CFAP299: variants seen among roughly 807,000 people sequenced by gnomAD.
CFAP299 encodes cilia- and flagella-associated protein 299.
In CFAP299, 21 loss-of-function variants were observed where a neutral mutation model predicts 27.0. That is an observed-to-expected ratio of 0.78 (90% CI 0.55 to 1.12). The LOEUF (loss-of-function observed/expected upper bound fraction) is 1.12. CFAP299 is among the 50% of genes most tolerant of loss of function. The probability of loss-of-function intolerance (pLI) is 0.00; values close to 1 mark genes in which losing one functional copy is unlikely to be tolerated. For synonymous variants in CFAP299, 104 were observed against 98.1 expected (o/e 1.06, Z -0.36); for missense variants, 310 against 276.6 (o/e 1.12, Z -0.86).
intron 2 of CFAP299, among the ~76,000 whole-genome samples, chr4:80,503,646 C>T (rs1421456231): frequency 1.3e-5 from 2 of 152,028 alleles, no homozygotes; most frequent in Non-Finnish European, 2.9e-5. Context: ...AGGCCTAGAA[C>T]GGTGGCTAAT....
chr4:80,816,817 G>C (rs986958284), intron 3 of CFAP299, among the ~76,000 whole-genome samples: 1 of 152,026 alleles, frequency 6.6e-6, no homozygotes, highest in African/African-American at 2.4e-5. Flanking sequence ...CATAAAATAC[G>C]CTGCCACTAA....
At chr4:80,507,992 T>C (rs2132267) in intron 2 of CFAP299, among the ~76,000 whole-genome samples, 58,817 of 152,056 alleles carry the variant, frequency 0.39, 14,855 homozygotes, top group African/African-American at 0.72. Flanking sequence ...AAATTGGTCT[T>C]AGCTGTTATA....
chr4:80,907,021 T>C (rs766919965), intron 4 of CFAP299, among the ~76,000 whole-genome samples: 6 of 152,190 alleles, frequency 3.9e-5, no homozygotes, highest in Non-Finnish European at 8.8e-5. Flanking sequence ...TACAAATTTT[T>C]CCAACTGTCA....
chr4:80,881,147 A>G (rs1233471889), intron 4 of CFAP299, among the ~76,000 whole-genome samples: 1 of 152,162 alleles, frequency 6.6e-6, no homozygotes, highest in East Asian at 1.9e-4. Context: ...GCATTTCAGA[A>G]CCCTCTATGG....
At chr4:80,430,111 ATTTTTATT>A (rs1727736039) in intron 2 of CFAP299, among the ~76,000 whole-genome samples, 1 of 152,096 alleles carries the variant, frequency 6.6e-6, no homozygotes, top group Non-Finnish European at 1.5e-5. Context: ...GGGTTTTCAT[ATTTTTATT>A]CATAAATGAG....
chr4:80,340,315 C>G (rs1365489598), intron 1 of CFAP299, among the ~76,000 whole-genome samples: 1 of 152,178 alleles, frequency 6.6e-6, no homozygotes, highest in Non-Finnish European at 1.5e-5. Context: ...AGGAGATCCC[C>G]TCAGGAGGCC....
At chr4:80,603,134 C>T (rs1358518688) in intron 3 of CFAP299, among the ~76,000 whole-genome samples, 1 of 152,114 alleles carries the variant, frequency 6.6e-6, no homozygotes, top group Non-Finnish European at 1.5e-5. Context: ...CTAAAAAAGA[C>T]TTTGGCAAGT....
chr4:80,722,358 A>C (rs767984137), intron 3 of CFAP299, among the ~76,000 whole-genome samples: 4 of 151,732 alleles, frequency 2.6e-5, no homozygotes, highest in Non-Finnish European at 5.9e-5. Context: ...CGGAGGTTGC[A>C]GTGAGCCGAG....
chr4:80,701,416 T>C (rs1216453595), intron 3 of CFAP299, among the ~76,000 whole-genome samples: 1 of 152,058 alleles, frequency 6.6e-6, no homozygotes, highest in Non-Finnish European at 1.5e-5. Context: ...TAGCTAAATG[T>C]GTTGGTTTTG....
chr4:80,925,171 TC>T (rs1217763693), intron 4 of CFAP299, among the ~76,000 whole-genome samples: 2 of 151,962 alleles, frequency 1.3e-5, no homozygotes, highest in African/African-American at 4.8e-5. Flanking sequence ...CTACCTATTC[TC>T]CCTTTCATTG....
chr4:80,616,269 G>C (rs1165096377), intron 3 of CFAP299, among the ~76,000 whole-genome samples: 1 of 151,994 alleles, frequency 6.6e-6, no homozygotes, highest in African/African-American at 2.4e-5. Flanking sequence ...ATGCAAAATA[G>C]ATAATTTTTG....
intron 3 of CFAP299, among the ~76,000 whole-genome samples, chr4:80,612,009 C>T (rs570804262): frequency 6.6e-6 from 1 of 152,016 alleles, no homozygotes; most frequent in African/African-American, 2.4e-5. Context: ...CACAAATCGT[C>T]GATGATGGTC....
At position 80,392,077 on chromosome 4, in the gene CFAP299, C is replaced by T. The variant is rs149218283; in HGVS notation, c.242+29193C>T. On this transcript the variant is annotated intron_variant, in intron 2 of 5. Coordinates refer to ENST00000358105, the MANE Select transcript of CFAP299 (RefSeq NM_152770.3). ...ATTGGATTTCTGACTTAGACCTTTT[C>T]GGCCTTACAGGCCTTTCTTTGGCCT... is the stretch of plus-strand genomic sequence containing the variant. Among the ~76,000 whole-genome samples, 257 of 152,314 alleles carry T rather than the reference C, an allele frequency of 1.7e-3. 1 individual carries two copies. The highest frequency in any genetic ancestry group is 5.8e-3 in the African/African-American group (240 of 41,566).
chr4:80,860,884 T>C (rs1732295997), intron 3 of CFAP299, among the ~76,000 whole-genome samples: 1 of 152,208 alleles, frequency 6.6e-6, no homozygotes, highest in African/African-American at 2.4e-5. Flanking sequence ...GAGGAGGCAG[T>C]CTGCCCATTC....
chr4:80,532,060 A>T (rs961509102), intron 2 of CFAP299, among the ~76,000 whole-genome samples: 2 of 152,050 alleles, frequency 1.3e-5, no homozygotes, highest in Non-Finnish European at 2.9e-5. Context: ...CCGGCCTAAG[A>T]CAGAATTTGT....
chr4:80,773,089 C>G (rs1202721678), intron 3 of CFAP299, among the ~76,000 whole-genome samples: 3 of 152,112 alleles, frequency 2.0e-5, no homozygotes, highest in African/African-American at 7.2e-5. Flanking sequence ...AGCCATCATT[C>G]TCAGCAAACT....
chr4:80,540,056 C>T (rs1733927494), intron 2 of CFAP299, among the ~76,000 whole-genome samples: 13 of 152,142 alleles, frequency 8.5e-5, no homozygotes, highest in Admixed American at 8.5e-4. Flanking sequence ...AGTGCACAGG[C>T]AATTGTGTTT....
At chr4:80,669,178 T>TC (rs1741325254) in intron 3 of CFAP299, among the ~76,000 whole-genome samples, 1 of 111,588 alleles carries the variant, frequency 9.0e-6, no homozygotes, top group African/African-American at 3.5e-5. Flanking sequence ...TTTTTTTTTT[T>TC]GAGACTAAGT....
chr4:80,887,066 C>T (rs1734006824), intron 4 of CFAP299, among the ~76,000 whole-genome samples: 2 of 151,914 alleles, frequency 1.3e-5, no homozygotes, highest in Non-Finnish European at 2.9e-5. Context: ...AACAATGAAG[C>T]ATACCCATGG....
Sources: allele counts gnomAD v4.1 joint callset (sites outside exome capture counted in the v4.1 genomes callset), GRCh38; gene constraint gnomAD v4.1.1; transcripts MANE v1.5; gene names NCBI Gene and HGNC (gene_info 2026-07-23, HGNC 2026-07-21).